Variants in CAST observed in about 807,000 individuals in gnomAD.
CAST encodes the protein calpastatin.
Under a neutral mutation model 119.6 loss-of-function variants are expected in CAST, and 76 were observed. That is an observed-to-expected ratio of 0.64 (90% CI 0.53 to 0.77). CAST has a LOEUF of 0.77. CAST is among the 30% of genes least tolerant of loss of function. The probability of loss-of-function intolerance (pLI) is 0.00; values close to 1 mark genes in which losing one functional copy is unlikely to be tolerated. For missense variants in CAST, 953 were observed against 946.5 expected (o/e 1.01, Z -0.09); for synonymous variants, 319 against 331.6 (o/e 0.96, Z 0.41).
chr5:96,297,621 C>A, the CAST span, among the ~76,000 whole-genome samples: 50 of 152,250 alleles, frequency 3.3e-4, 1 homozygote, highest in African/African-American at 1.2e-3. Context: ...GGAAGATAAA[C>A]CTGAGCCAGT....
chr5:96,197,822 G>C, the CAST span, among the ~76,000 whole-genome samples: 2 of 152,094 alleles, frequency 1.3e-5, no homozygotes, highest in East Asian at 3.9e-4. Flanking sequence ...ACAATGGCAG[G>C]ATCATGGCTC....
chr5:96,092,788 T>C, the CAST span, among the ~76,000 whole-genome samples: 2 of 152,224 alleles, frequency 1.3e-5, no homozygotes, highest in Non-Finnish European at 2.9e-5. Context: ...AACCAGGCTC[T>C]AATGCCACAT....
At chr5:96,200,018 C>T in the CAST span, among the ~76,000 whole-genome samples, 1 of 152,090 alleles carries the variant, frequency 6.6e-6, no homozygotes, top group African/African-American at 2.4e-5. Context: ...AATAAGGCCA[C>T]TCTATAACTG....
the CAST span, among the ~76,000 whole-genome samples, chr5:96,344,480 A>G: frequency 6.6e-6 from 1 of 152,206 alleles, no homozygotes; most frequent in Non-Finnish European, 1.5e-5. Context: ...TAACTTAACC[A>G]TGAAAGCAAG....
At chr5:96,634,517 G>A (rs1333729520) in intron 1 of CAST, among the ~76,000 whole-genome samples, 1 of 152,074 alleles carries the variant, frequency 6.6e-6, no homozygotes, top group Non-Finnish European at 1.5e-5. Flanking sequence ...CTCTTATCTT[G>A]ACATAGGGGA....
chr5:96,512,508 C>A, the CAST span, among the ~76,000 whole-genome samples: 2 of 152,186 alleles, frequency 1.3e-5, no homozygotes, highest in Admixed American at 1.3e-4. Context: ...AGATGAATGA[C>A]TGACGGATAG....
chr5:96,282,573 TAGGA>T, the CAST span, among the ~76,000 whole-genome samples: 16,727 of 152,130 alleles, frequency 0.11, 1,091 homozygotes, highest in East Asian at 0.21. Context: ...GGTATAGCAC[TAGGA>T]AGGGTTTTTA....
intron 1 of CAST, among the ~76,000 whole-genome samples, chr5:96,541,794 A>T (rs1448380401): frequency 6.6e-6 from 1 of 152,216 alleles, no homozygotes; most frequent in Non-Finnish European, 1.5e-5. Context: ...TTAGAGCTTG[A>T]TATCTCATTT....
chr5:96,459,099 C>T, the CAST span, among the ~76,000 whole-genome samples: 1 of 152,084 alleles, frequency 6.6e-6, no homozygotes, highest in Non-Finnish European at 1.5e-5. Context: ...CAGTTTGTCC[C>T]CAGATCGAGC....
the CAST span, among the ~76,000 whole-genome samples, chr5:96,057,061 A>C: frequency 6.6e-6 from 1 of 152,198 alleles, no homozygotes; most frequent in Non-Finnish European, 1.5e-5. Flanking sequence ...CAGAAAAAAG[A>C]AAGTGATGTA....
the CAST span, among the ~76,000 whole-genome samples, chr5:96,476,774 T>C: frequency 1.3e-5 from 2 of 152,120 alleles, no homozygotes; most frequent in African/African-American, 4.8e-5. Flanking sequence ...TTGAGACCTT[T>C]CTTTTCTCTC....
At chr5:96,274,099 ATT>A in the CAST span, among the ~76,000 whole-genome samples, 2 of 144,192 alleles carry the variant, frequency 1.4e-5, no homozygotes, top group African/African-American at 2.5e-5. Flanking sequence ...TAGAGCCCCA[ATT>A]TTTTTTTTTT....
chr5:96,411,122 C>A, the CAST span: 2 of 742,378 alleles, frequency 2.7e-6, no homozygotes, highest in South Asian at 3.1e-5. Context: ...AATTCCAGAT[C>A]TTTTGGCTTC....
intron 1 of CAST, among the ~76,000 whole-genome samples, chr5:96,576,040 C>A (rs1235424314): frequency 6.6e-6 from 1 of 152,158 alleles, no homozygotes; most frequent in Non-Finnish European, 1.5e-5. Context: ...GAGGAACCAG[C>A]CTTGCATACC....
At chr5:96,170,696 G>T in the CAST span, among the ~76,000 whole-genome samples, 1 of 152,308 alleles carries the variant, frequency 6.6e-6, no homozygotes, top group African/African-American at 2.4e-5. Context: ...CATGAACTGG[G>T]CTGGGTTTTT....
the CAST span, chr5:96,079,220 C>T: frequency 4.9e-6 from 2 of 411,522 alleles, no homozygotes; most frequent in South Asian, 3.6e-5. Context: ...GGTACTTTCC[C>T]CTGGGCCCCC....
At chr5:96,646,911 T>C (rs1029850812) in intron 1 of CAST, among the ~76,000 whole-genome samples, 1 of 152,182 alleles carries the variant, frequency 6.6e-6, no homozygotes, top group Non-Finnish European at 1.5e-5. Flanking sequence ...AGCCAAACGA[T>C]AGGAGGTGAA....
chr5:96,091,581 C>CTGTAGCTTTGCCCTCCCAGGCTCAAGTG, the CAST span, among the ~76,000 whole-genome samples: 3 of 147,998 alleles, frequency 2.0e-5, no homozygotes, highest in African/African-American at 7.5e-5. Context: ...TCAGGGCTCA[C>CTGTAGCTTTGCCCTCCCAGGCTCAAGTG]TGTAGCTTTG....
chr5:96,393,496 G>C, the CAST span: 1 of 1,212,524 alleles, frequency 8.2e-7, no homozygotes, highest in Non-Finnish European at 1.2e-6. Context: ...TGAGGGGAGG[G>C]GAGAGAGTTC....
Sources: allele counts gnomAD v4.1 joint callset (sites outside exome capture counted in the v4.1 genomes callset), GRCh38; gene constraint gnomAD v4.1.1; transcripts MANE v1.5; gene names NCBI Gene and HGNC (gene_info 2026-07-23, HGNC 2026-07-21).